CENPK: variants seen among roughly 807,000 people sequenced by gnomAD.
The protein encoded by CENPK is centromere protein K.
Under a neutral mutation model 40.9 loss-of-function variants are expected in CENPK, and 46 were observed. The observed-to-expected ratio is 1.13, with a 90% CI of 0.89 to 1.44. The LOEUF (loss-of-function observed/expected upper bound fraction) is 1.44, where lower values mean the gene tolerates loss of function less well. CENPK is among the 40% of genes most tolerant of loss of function. CENPK has a pLI of 0.00. For missense variants in CENPK, 288 were observed against 303.5 expected (o/e 0.95, Z 0.38); for synonymous variants, 107 against 104.4 (o/e 1.02, Z -0.15).
chr5:65,503,128 T>G, the CENPK span, among the ~76,000 whole-genome samples: 33 of 144,344 alleles, frequency 2.3e-4, no homozygotes, highest in Middle Eastern at 3.6e-3. Flanking sequence ...TTTTTTTTTT[T>G]GAGACAGAGT....
intron 5 of CENPK, among the ~76,000 whole-genome samples, chr5:65,546,936 T>C (rs1016667818): frequency 6.6e-5 from 10 of 152,246 alleles, no homozygotes; most frequent in African/African-American, 2.4e-4. Context: ...ATTATAGATA[T>C]AACACATAAA....
At chr5:65,554,721 T>A in intron 3 of CENPK, 76 bp downstream of exon 3, 1 of 828,182 alleles carries the variant, frequency 1.2e-6, no homozygotes, top group South Asian at 1.5e-5. Flanking sequence ...CACAATCATT[T>A]CTTTCCTGAG....
chr5:65,523,060 TATGTA>T (rs1279458875), intron 9 of CENPK, among the ~76,000 whole-genome samples: 1 of 152,238 alleles, frequency 6.6e-6, no homozygotes, highest in South Asian at 2.1e-4. Flanking sequence ...ATTCTGTATG[TATGTA>T]ATGTATTCTG....
intron 6 of CENPK, among the ~76,000 whole-genome samples, chr5:65,531,127 G>T (rs1438575075): frequency 6.6e-6 from 1 of 152,182 alleles, no homozygotes; most frequent in Non-Finnish European, 1.5e-5. Context: ...ACTGCACCCA[G>T]CCTGGGCAAC....
intron 6 of CENPK, 142 bp downstream of exon 6, chr5:65,542,660 T>C: frequency 1.7e-6 from 1 of 590,376 alleles, no homozygotes; most frequent in Non-Finnish European, 2.8e-6. Context: ...TCAAATATTA[T>C]GTTCAATAAA....
At chr5:65,558,267 T>C (rs777947834) in intron 2 of CENPK, among the ~76,000 whole-genome samples, 1 of 152,128 alleles carries the variant, frequency 6.6e-6, no homozygotes, top group Non-Finnish European at 1.5e-5. Flanking sequence ...GGAGAAAATA[T>C]AGCATCTTTA....
chr5:65,543,710 A>G (rs1748382397), intron 5 of CENPK, among the ~76,000 whole-genome samples: 1 of 152,194 alleles, frequency 6.6e-6, no homozygotes, highest in Admixed American at 6.5e-5. Context: ...TAGTCATAAC[A>G]AACAAGGATG....
At chr5:65,499,631 T>C in the CENPK span, among the ~76,000 whole-genome samples, 3 of 150,984 alleles carry the variant, frequency 2.0e-5, no homozygotes, top group South Asian at 6.3e-4. Context: ...TCTGGGACTT[T>C]GATGACAAAA....
intron 6 of CENPK, among the ~76,000 whole-genome samples, chr5:65,532,910 C>CAAA (rs60713724): frequency 0.045 from 1,655 of 36,990 alleles, 471 homozygotes; most frequent in Non-Finnish European, 0.059. Context: ...ACTCCATCTC[C>CAAA]AAAAAAAAAA....
At chr5:65,505,687 T>C in the CENPK span, among the ~76,000 whole-genome samples, 4 of 152,194 alleles carry the variant, frequency 2.6e-5, no homozygotes, top group Non-Finnish European at 5.9e-5. Context: ...GGATTTAGCA[T>C]ATTTAGCTTT....
In CENPK at chr5:65,542,933, T is replaced by C. The variant is rs1247919928; in HGVS notation, c.242-85A>G. 3 of 1,099,274 alleles carry C rather than the reference T, an allele frequency of 2.7e-6. No homozygotes were observed. In the African/African-American group the frequency reaches 4.8e-5, roughly 17 times the overall value. The allele number at this position is 1,099,274 out of a possible 1,614,324, so 68.1% of individuals were successfully genotyped here. A position where few individuals can be genotyped will look rare whatever the true frequency, so the allele number is the denominator to read the frequency against. On this transcript the variant is annotated intron_variant, in intron 5 of 10. Coordinates refer to ENST00000396679, the MANE Select transcript of CENPK (RefSeq NM_022145.5). ...AATTTAATTTTGCGGTTTTCTAAGA[T>C]ACTTCTTTCCATCTCCATTTATATA...
intron 9 of CENPK, among the ~76,000 whole-genome samples, chr5:65,525,717 A>G (rs1439973756): frequency 6.6e-6 from 1 of 152,240 alleles, no homozygotes; most frequent in African/African-American, 2.4e-5. Context: ...CGAGGTCATA[A>G]GAATCGGGCC....
chr5:65,497,116 C>T, the CENPK span, among the ~76,000 whole-genome samples: 3 of 151,454 alleles, frequency 2.0e-5, no homozygotes, highest in East Asian at 5.9e-4. Flanking sequence ...GCCTGTAATT[C>T]CAGCACTTTG....
chr5:65,554,220 C>G (rs1394348320), intron 3 of CENPK, among the ~76,000 whole-genome samples: 1 of 151,822 alleles, frequency 6.6e-6, no homozygotes. Flanking sequence ...CGGCTCACTG[C>G]AACATCCGCC....
chr5:65,553,246 A>C lies in CENPK; in HGVS notation c.112-697T>G, dbSNP rs537540133. ...CAGTTCTGAAACTTTACTGGGAAGA[A>C]TAGGATGCTAAAAATATCTGTGCCC... On this transcript the variant is annotated intron_variant, in intron 3 of 10. Coordinates refer to ENST00000396679, the MANE Select transcript of CENPK (RefSeq NM_022145.5). Among the ~76,000 whole-genome samples the C allele has an allele frequency of 2.2e-4, 33 of 152,290 alleles. 1 individual carries two copies. In the South Asian group the frequency reaches 6.2e-3, roughly 29 times the overall value.
intron 4 of CENPK, 28 bp downstream of exon 4, chr5:65,552,465 T>C: frequency 7.0e-7 from 1 of 1,423,590 alleles, no homozygotes; most frequent in South Asian, 1.3e-5. Flanking sequence ...ACTTACCTTG[T>C]ATTTTTTAGG....
At chr5:65,555,436 G>C (rs1187357577) in intron 2 of CENPK, among the ~76,000 whole-genome samples, 1 of 152,186 alleles carries the variant, frequency 6.6e-6, no homozygotes, top group African/African-American at 2.4e-5. Flanking sequence ...AGAATATGAG[G>C]TCAGAGAGAC....
At chr5:65,535,637 C>T (rs1035692912) in intron 6 of CENPK, among the ~76,000 whole-genome samples, 3 of 152,156 alleles carry the variant, frequency 2.0e-5, no homozygotes, top group South Asian at 2.1e-4. Flanking sequence ...GAGAATTAAG[C>T]GCATCCACAC....
chr5:65,532,078 A>C (rs1319908216), intron 6 of CENPK, among the ~76,000 whole-genome samples: 1 of 152,190 alleles, frequency 6.6e-6, no homozygotes, highest in Non-Finnish European at 1.5e-5. Flanking sequence ...ATCACTACAA[A>C]CATTAAAATG....
Sources: allele counts gnomAD v4.1 joint callset (sites outside exome capture counted in the v4.1 genomes callset), GRCh38; gene constraint gnomAD v4.1.1; transcripts MANE v1.5; gene names NCBI Gene and HGNC (gene_info 2026-07-23, HGNC 2026-07-21).